Variants in GALNT8 observed in about 807,000 individuals in gnomAD.
GALNT8 encodes the protein probable polypeptide N-acetylgalactosaminyltransferase 8.
In GALNT8, 66 loss-of-function variants were observed where a neutral mutation model predicts 62.7. That is an observed-to-expected ratio of 1.05 (90% CI 0.86 to 1.29). The LOEUF is 1.29. GALNT8 is among the 50% of genes most tolerant of loss of function. The pLI, the probability that GALNT8 is intolerant of heterozygous loss-of-function variation, is 0.00. For missense variants in GALNT8, 771 were observed against 791.8 expected, an observed-to-expected ratio of 0.97 and a Z score of 0.32; for synonymous variants, 288 against 294.3, an observed-to-expected ratio of 0.98 and a Z score of 0.22.
chr12:4,739,247 A>G lies in GALNT8; in HGVS notation c.594A>G (p.Gln198=), dbSNP rs1281129576. The G allele has an allele frequency of 3.7e-6, 6 of 1,613,116 alleles. No homozygotes were observed. Among genetic ancestry groups the G allele is most frequent in the Middle Eastern group, 1.7e-4 (1 of 6,060 alleles). Residue 198 remains glutamine, a synonymous_variant, in exon 3 of 11, where the codon CAA becomes CAG. Coordinates refer to ENST00000252318, the MANE Select transcript of GALNT8 (RefSeq NM_017417.2). ...IFVNEALSII[Q]RAITSIINRT... is the part of the protein sequence containing the mutation. ...TGAATGAAGCTCTGTCCATTATACA[A>G]CGGGCCATCACCAGTATCATCAACC...
intron 3 of GALNT8, among the ~76,000 whole-genome samples, chr12:4,742,838 G>A (rs577549401): frequency 1.3e-5 from 2 of 152,238 alleles, no homozygotes; most frequent in South Asian, 2.1e-4. Context: ...GGAGGAGACC[G>A]GTAGGAGGGC....
chr12:4,759,147 C>T (rs916841331), intron 6 of GALNT8, among the ~76,000 whole-genome samples: 4 of 152,186 alleles, frequency 2.6e-5, no homozygotes, highest in South Asian at 2.1e-4. Flanking sequence ...CCTGAATTCA[C>T]GTGAGTTGAA....
rs764667938 is a variant in GALNT8, at chr12:4,772,503, T to C, written c.1820T>C (p.Leu607Ser). The change falls in exon 11 of 11, where the codon TTG (leucine) becomes TCG (serine). Residue 607 changes from leucine (L) to serine (S), a missense_variant. Leu to Ser is a moderately radical substitution (Grantham distance 145, BLOSUM62 -2). Coordinates refer to ENST00000252318, the MANE Select transcript of GALNT8 (RefSeq NM_017417.2). ...TGTCTGGAGATGAAGAAGGATCTTT[T>C]GGGTAGCCACGTGCTTGTGCTCCAG... ...KRCLEMKKDLLGSHVLVLQTC... is the reference protein window; with the variant it reads ...KRCLEMKKDLSGSHVLVLQTC... The C allele has an allele frequency of 3.7e-6, 6 of 1,613,728 alleles. No individual in the cohort carries two copies. The highest frequency in any genetic ancestry group is 1.3e-5 in the African/African-American group (1 of 74,924).
At chr12:4,738,102 G>C (rs1315405454) in intron 2 of GALNT8, among the ~76,000 whole-genome samples, 2 of 152,064 alleles carry the variant, frequency 1.3e-5, no homozygotes, top group African/African-American at 4.8e-5. Flanking sequence ...TTTTACATGG[G>C]GGAAAATATT....
Position 4,726,733 on chromosome 12 carries a change from A to G in GALNT8, c.413A>G (p.Lys138Arg), listed in dbSNP as rs758561340. ...WGEDLSEAQQKAAQDLFRKFG... is the reference protein window; with the variant it reads ...WGEDLSEAQQRAAQDLFRKFG... Reference sequence around the variant, plus strand: ...GAGGATCTTTCTGAGGCCCAGCAGAAGGCGGCCCAGGACCTCTTCCGGAAG... The same window carrying G: ...GAGGATCTTTCTGAGGCCCAGCAGAGGGCGGCCCAGGACCTCTTCCGGAAG... Residue 138 changes from lysine to arginine, a missense_variant, in exon 2 of 11, where the codon AAG (lysine) becomes AGG (arginine). Coordinates refer to ENST00000252318, the MANE Select transcript of GALNT8 (RefSeq NM_017417.2). The surrounding 1 kb of genome is among the most constrained non-coding windows in gnomAD (Gnocchi z 4.1). 3.7e-6 allele frequency: 6 copies of G among 1,614,058 alleles called. No homozygotes were observed. Among genetic ancestry groups the G allele is most frequent in the South Asian group, 1.1e-5 (1 of 91,068 alleles).
intron 2 of GALNT8, among the ~76,000 whole-genome samples, 184 bp downstream of exon 2, chr12:4,727,013 A>G (rs1946199592): frequency 6.6e-6 from 1 of 152,174 alleles, no homozygotes; most frequent in Non-Finnish European, 1.5e-5. Flanking sequence ...AACTGATCCA[A>G]ATATTTACAG....
intron 6 of GALNT8, among the ~76,000 whole-genome samples, chr12:4,758,223 T>C (rs1946353882): frequency 6.6e-6 from 1 of 152,116 alleles, no homozygotes; most frequent in South Asian, 2.1e-4. Context: ...TCTAAGTACT[T>C]ATTAGGATTT....
At chr12:4,754,865 C>T (rs566852624) in intron 6 of GALNT8, among the ~76,000 whole-genome samples, 1 of 152,316 alleles carries the variant, frequency 6.6e-6, no homozygotes, top group East Asian at 1.9e-4. Context: ...TCCCTTCTGG[C>T]CCAGGGTGTG....
intron 6 of GALNT8, among the ~76,000 whole-genome samples, chr12:4,756,888 C>T (rs1234071533): frequency 6.6e-6 from 1 of 152,158 alleles, no homozygotes; most frequent in East Asian, 1.9e-4. Flanking sequence ...TGTGTCCGCA[C>T]TCATATCTCA....
At chr12:4,731,811 C>T (rs1186518708) in intron 2 of GALNT8, among the ~76,000 whole-genome samples, 1 of 152,178 alleles carries the variant, frequency 6.6e-6, no homozygotes. Flanking sequence ...GTTGGACTAT[C>T]TTTGCATCGC....
intron 9 of GALNT8, among the ~76,000 whole-genome samples, chr12:4,765,068 G>C (rs1412475128): frequency 6.6e-6 from 1 of 152,168 alleles, no homozygotes. Context: ...ACCCATAGCT[G>C]AGGCCTGCAG....
At chr12:4,730,351 A>G (rs937841787) in intron 2 of GALNT8, among the ~76,000 whole-genome samples, 1 of 152,150 alleles carries the variant, frequency 6.6e-6, no homozygotes, top group African/African-American at 2.4e-5. Flanking sequence ...TCTGGGTTTT[A>G]TATTTAAGTC....
At chr12:4,738,876 G>A (rs1463296064) in intron 2 of GALNT8, among the ~76,000 whole-genome samples, 1 of 152,158 alleles carries the variant, frequency 6.6e-6, no homozygotes. Context: ...ACTAATCCGG[G>A]TGTAGAAGAG....
chr12:4,767,167 G>A (rs1591576108), intron 10 of GALNT8, among the ~76,000 whole-genome samples: 1 of 152,204 alleles, frequency 6.6e-6, no homozygotes, highest in Middle Eastern at 3.4e-3. Flanking sequence ...CATCTTCCTT[G>A]GGAAGCTTTC....
intron 1 of GALNT8, among the ~76,000 whole-genome samples, chr12:4,723,564 A>G (rs893892068): frequency 5.3e-5 from 8 of 152,120 alleles, no homozygotes; most frequent in Non-Finnish European, 1.0e-4. Flanking sequence ...CTAGGACACA[A>G]TGTGCCATGA....
intron 6 of GALNT8, among the ~76,000 whole-genome samples, chr12:4,757,739 T>A (rs1018863708): frequency 2.7e-5 from 4 of 148,156 alleles, no homozygotes; most frequent in African/African-American, 9.9e-5. Context: ...TGTGCCCAGA[T>A]GTTTCTTCTA....
In GALNT8 at chr12:4,760,333, C is replaced by A. The variant is rs117286043; in HGVS notation, c.1174-625C>A. On this transcript the variant is annotated intron_variant, in intron 6 of 10. Coordinates refer to ENST00000252318, the MANE Select transcript of GALNT8 (RefSeq NM_017417.2). ...TCTTCCCTTTTTATGTGTTAGCTGA[C>A]AGCATGGCAGCTTCCTTCTTCAAAG... Among the ~76,000 whole-genome samples, 3 of 152,324 alleles carry A rather than the reference C, an allele frequency of 2.0e-5. No homozygotes were observed. The East Asian group carries it at 5.8e-4, about 29-fold the overall frequency.
At chr12:4,741,589 A>AC (rs1946272483) in intron 3 of GALNT8, among the ~76,000 whole-genome samples, 2 of 152,054 alleles carry the variant, frequency 1.3e-5, no homozygotes, top group Admixed American at 6.5e-5. Context: ...GAAAAAAAAA[A>AC]AGTCAATACT....
At chr12:4,756,943 C>A (rs1354438273) in intron 6 of GALNT8, among the ~76,000 whole-genome samples, 2 of 152,142 alleles carry the variant, frequency 1.3e-5, no homozygotes, top group African/African-American at 4.8e-5. Context: ...AAAGGAGAGA[C>A]CAGGTGGAGG....
Sources: allele counts gnomAD v4.1 joint callset (sites outside exome capture counted in the v4.1 genomes callset), GRCh38; gene constraint gnomAD v4.1.1; non-coding constraint Gnocchi (gnomAD v3.1); transcripts MANE v1.5; gene names NCBI Gene and HGNC (gene_info 2026-07-23, HGNC 2026-07-21).